RNF220: variants seen among roughly 807,000 people sequenced by gnomAD.
RNF220 encodes E3 ubiquitin-protein ligase RNF220.
A neutral mutation model predicts 67.1 loss-of-function variants in RNF220; 7 were observed. The ratio of observed to expected loss-of-function variants is 0.10; its 90% confidence interval spans 0.06 to 0.20. The LOEUF (loss-of-function observed/expected upper bound fraction) is 0.20. Among genes scored for constraint, RNF220 ranks in the 10% least tolerant of loss-of-function variants. The probability of loss-of-function intolerance (pLI) is 1.00; values close to 1 mark genes in which losing one functional copy is unlikely to be tolerated. For synonymous variants in RNF220, 270 were observed against 283.2 expected, an observed-to-expected ratio of 0.95 and a Z score of 0.47; for missense variants, 565 against 740.3, an observed-to-expected ratio of 0.76 and a Z score of 2.75.
At chr1:44,549,003 G>A (rs1181974234) in intron 2 of RNF220, among the ~76,000 whole-genome samples, 2 of 152,090 alleles carry the variant, frequency 1.3e-5, no homozygotes, top group Non-Finnish European at 2.9e-5. Context: ...CCTGGGCAAT[G>A]TGGTTAAACT....
rs139910166 is a variant in RNF220, at chr1:44,469,582, C to T, written c.625+56860C>T. Among the ~76,000 whole-genome samples the T allele has an allele frequency of 2.9e-5, 4 of 138,494 alleles. No homozygotes were observed. In the South Asian group the frequency reaches 9.5e-4, roughly 33 times the overall value. 90.9% of individuals were successfully genotyped at this position (138,494 alleles called of 152,430 possible). A position where few individuals can be genotyped will look rare whatever the true frequency, so the allele number is the denominator to read the frequency against. On this transcript the variant is annotated intron_variant, in intron 2 of 14. Transcript: ENST00000361799. Reference sequence around the variant, plus strand: ...TATTATTCATTCATTCATTCATTCACTAAATATTTACTGAGTTCCTTCTAT... The same window carrying T: ...TATTATTCATTCATTCATTCATTCATTAAATATTTACTGAGTTCCTTCTAT...
Position 44,528,370 on chromosome 1 carries a change from G to A in RNF220, c.626-85795G>A, listed in dbSNP as rs958028766. On this transcript the variant is annotated intron_variant, in intron 2 of 14. Coordinates refer to ENST00000361799, the MANE Select transcript of RNF220 (RefSeq NM_018150.4). ...GGCTGGAGTCCAGTGGCGCTATCTC[G>A]GCTCACTGCAAGCTCCGTCTCCCAG... 2.7e-5 allele frequency among the ~76,000 whole-genome samples: 4 copies of A among 150,936 alleles called. No individual in the cohort carries two copies. In the East Asian group the frequency reaches 5.9e-4, roughly 22 times the overall value.
At chr1:44,593,651 G>T (rs1323380895) in intron 2 of RNF220, among the ~76,000 whole-genome samples, 2 of 152,172 alleles carry the variant, frequency 1.3e-5, no homozygotes, top group Admixed American at 1.3e-4. Context: ...GAGCTCAAGA[G>T]TTCGAGGGTT....
intron 2 of RNF220, among the ~76,000 whole-genome samples, chr1:44,486,231 AG>A (rs1409011660): frequency 1.3e-5 from 2 of 151,914 alleles, no homozygotes; most frequent in Non-Finnish European, 2.9e-5. Flanking sequence ...ACAAAGTGAA[AG>A]GGGGGGGCCT....
chr1:44,635,711 C>A, intron 7 of RNF220, 123 bp downstream of exon 7: 1 of 1,534,662 alleles, frequency 6.5e-7, no homozygotes. Context: ...GCTCCCTTCC[C>A]CCGACACTAG....
At chr1:44,461,323 C>A (rs890683843) in intron 2 of RNF220, among the ~76,000 whole-genome samples, 9 of 152,028 alleles carry the variant, frequency 5.9e-5, no homozygotes, top group Non-Finnish European at 1.2e-4. Flanking sequence ...CTTTAAAGAC[C>A]CTGGAAGAGG....
chr1:44,519,082 A>C (rs1174865980), intron 2 of RNF220, among the ~76,000 whole-genome samples: 1 of 144,322 alleles, frequency 6.9e-6, no homozygotes, highest in Non-Finnish European at 1.5e-5. Flanking sequence ...ACTGAGGTAG[A>C]TGAGGGAGAG....
chr1:44,622,250 G>A lies in RNF220; in HGVS notation c.759-492G>A, dbSNP rs1008026961. Among the ~76,000 whole-genome samples the A allele has an allele frequency of 9.2e-5, 14 of 152,316 alleles. 1 individual carries two copies. Among genetic ancestry groups the A allele is most frequent in the South Asian group, 6.2e-4 (3 of 4,828 alleles). On this transcript the variant is annotated intron_variant, in intron 3 of 14. Transcript: ENST00000361799. This position sits in a 1 kb window ranked among gnomAD's most constrained non-coding sequence, Gnocchi z 4.3. ...CCGCCTGCCTGCCGCGCCCGATGCC[G>A]GAGGGCCTGGGGCTGACAAATTGAA...
intron 2 of RNF220, among the ~76,000 whole-genome samples, chr1:44,444,084 C>G (rs1300153042): frequency 6.6e-6 from 1 of 152,096 alleles, no homozygotes; most frequent in Non-Finnish European, 1.5e-5. Flanking sequence ...GAGCAAGACT[C>G]CGTCTCAAAA....
intron 2 of RNF220, among the ~76,000 whole-genome samples, chr1:44,558,206 T>C (rs915137853): frequency 6.6e-6 from 1 of 152,232 alleles, no homozygotes; most frequent in South Asian, 2.1e-4. Flanking sequence ...CCACATTTAA[T>C]TGAGTCTGTA....
intron 2 of RNF220, among the ~76,000 whole-genome samples, chr1:44,490,323 A>G (rs1656737772): frequency 6.6e-6 from 1 of 152,042 alleles, no homozygotes; most frequent in African/African-American, 2.4e-5. Flanking sequence ...AAAAAAAATT[A>G]GCCAGGCGTG....
chr1:44,411,599 T>C (rs1375090271), intron 1 of RNF220, among the ~76,000 whole-genome samples: 1 of 152,100 alleles, frequency 6.6e-6, no homozygotes, highest in African/African-American at 2.4e-5. Context: ...CTGCCATGAG[T>C]GGTGGATGCA....
chr1:44,535,135 C>CTT lies in RNF220; in HGVS notation c.626-79008_626-79007dup, dbSNP rs903715852. On this transcript the variant is annotated intron_variant, in intron 2 of 14. Transcript: ENST00000361799. ...GAGGGGCTTCAGGAGGCAGCTTCTT[C>CTT]TTTTTTTTTTTTTTTTTTTTTTTGA... 8.4e-3 allele frequency among the ~76,000 whole-genome samples: 868 copies of CTT among 102,896 alleles called. 6 individuals carry two copies. The highest frequency in any genetic ancestry group is 0.014 in the African/African-American group (333 of 23,854). 67.5% of individuals were successfully genotyped at this position (102,896 alleles called of 152,430 possible). A position where few individuals can be genotyped will look rare whatever the true frequency, so the allele number is the denominator to read the frequency against.
At chr1:44,422,735 C>A (rs1649366993) in intron 2 of RNF220, among the ~76,000 whole-genome samples, 1 of 152,094 alleles carries the variant, frequency 6.6e-6, no homozygotes, top group Admixed American at 6.6e-5. Flanking sequence ...GTATTGAATC[C>A]ATCTTTGATC....
intron 2 of RNF220, among the ~76,000 whole-genome samples, chr1:44,603,366 C>T (rs561049918): frequency 1.4e-3 from 212 of 152,320 alleles, no homozygotes; most frequent in Non-Finnish European, 1.5e-3. Flanking sequence ...CCACTGCCCC[C>T]ACCTTGGCCC....
chr1:44,509,288 C>T (rs1015645930), intron 2 of RNF220, among the ~76,000 whole-genome samples: 2 of 152,148 alleles, frequency 1.3e-5, no homozygotes, highest in East Asian at 1.9e-4. Flanking sequence ...TGGTGGCTCA[C>T]GCCTGTAATC....
intron 2 of RNF220, among the ~76,000 whole-genome samples, chr1:44,447,152 C>A (rs1652188202): frequency 6.6e-6 from 1 of 152,152 alleles, no homozygotes; most frequent in African/African-American, 2.4e-5. Context: ...ATATTCCTGA[C>A]AATTGACATC....
intron 2 of RNF220, among the ~76,000 whole-genome samples, chr1:44,482,986 A>G (rs1423809631): frequency 7.7e-6 from 1 of 130,152 alleles, no homozygotes; most frequent in Non-Finnish European, 1.5e-5. Context: ...GCTGGAGCGC[A>G]GTGGAACGAT....
intron 8 of RNF220, among the ~76,000 whole-genome samples, chr1:44,639,528 G>A (rs970700673): frequency 6.6e-6 from 1 of 152,216 alleles, no homozygotes. Flanking sequence ...AAGCCCTGGC[G>A]GTGACTGCGT....
Sources: allele counts gnomAD v4.1 joint callset (sites outside exome capture counted in the v4.1 genomes callset), GRCh38; gene constraint gnomAD v4.1.1; non-coding constraint Gnocchi (gnomAD v3.1); transcripts MANE v1.5; gene names NCBI Gene and HGNC (gene_info 2026-07-23, HGNC 2026-07-21).